Variants in SLIT2 observed in about 807,000 individuals in gnomAD.
SLIT2 encodes slit guidance ligand 2, also known as slit homolog 2 protein.
In SLIT2, 41 loss-of-function variants were observed where a neutral mutation model predicts 185.7. The ratio of observed to expected loss-of-function variants is 0.22; its 90% confidence interval spans 0.17 to 0.29. SLIT2 has a LOEUF of 0.29. Among genes scored for constraint, SLIT2 ranks in the 10% least tolerant of loss-of-function variants. The pLI, the probability that SLIT2 is intolerant of heterozygous loss-of-function variation, is 1.00. For missense variants in SLIT2, 1,571 were observed against 1,909.0 expected (o/e 0.82, Z 3.30); for synonymous variants, 693 against 680.2 (o/e 1.02, Z -0.29).
At chr4:20,259,203 A>G (rs899386095) in intron 3 of SLIT2, among the ~76,000 whole-genome samples, 22 of 151,730 alleles carry the variant, frequency 1.4e-4, no homozygotes, top group African/African-American at 4.8e-4. Flanking sequence ...AACAAAGCTT[A>G]TAAGTTCATA....
intron 22 of SLIT2, among the ~76,000 whole-genome samples, chr4:20,546,869 C>CA (rs937512653): frequency 8.2e-4 from 124 of 151,788 alleles, no homozygotes; most frequent in Non-Finnish European, 1.4e-3. Flanking sequence ...TTTCAGAACA[C>CA]AAAAAATCAG....
At chr4:20,603,965 T>G (rs1728597784) in intron 33 of SLIT2, among the ~76,000 whole-genome samples, 1 of 152,252 alleles carries the variant, frequency 6.6e-6, no homozygotes, top group African/African-American at 2.4e-5. Flanking sequence ...CTTATAACCT[T>G]GGGCAGATTG....
intron 2 of SLIT2, 151 bp from the exon 3 acceptor site, chr4:20,257,717 A>G: frequency 3.3e-6 from 2 of 614,840 alleles, no homozygotes; most frequent in East Asian, 2.9e-5. Flanking sequence ...TCACTCAGAT[A>G]TATTATTATT....
At chr4:20,616,877 G>T (rs758523941) in intron 34 of SLIT2, 33 bp from the exon 35 acceptor site, 52 of 1,552,526 alleles carry the variant, frequency 3.3e-5, no homozygotes, top group Non-Finnish European at 4.1e-5. Flanking sequence ...AATCCCCAGA[G>T]AGCCTGACCT....
intron 29 of SLIT2, among the ~76,000 whole-genome samples, chr4:20,580,559 T>C (rs1490324813): frequency 6.6e-6 from 1 of 152,132 alleles, no homozygotes; most frequent in Non-Finnish European, 1.5e-5. Flanking sequence ...TAGTCTATGA[T>C]TCTCTTGCCT....
At chr4:20,290,818 A>G (rs1278634698) in intron 4 of SLIT2, among the ~76,000 whole-genome samples, 1 of 149,884 alleles carries the variant, frequency 6.7e-6, no homozygotes. Flanking sequence ...TTGTATTAAT[A>G]TCTTATTTTT....
chr4:20,454,063 C>T (rs1712776047), intron 4 of SLIT2, among the ~76,000 whole-genome samples: 1 of 152,170 alleles, frequency 6.6e-6, no homozygotes, highest in African/African-American at 2.4e-5. Flanking sequence ...CATAACTGTG[C>T]TTCCCCTTTA....
At position 20,433,920 on chromosome 4, in the gene SLIT2, A is replaced by G. The variant is rs116556942; in HGVS notation, c.396-33832A>G. Among the ~76,000 whole-genome samples, 1,206 of 152,308 alleles carry G rather than the reference A, an allele frequency of 7.9e-3. 24 individuals carry two copies. The highest frequency in any genetic ancestry group is 0.027 in the African/African-American group (1,118 of 41,568). ...CTGACCCCCCCAAATCTTTCTATTA[A>G]TAGATGGTTTTAGAAAGATTTTTTT... On this transcript the variant is annotated intron_variant, in intron 4 of 36. Transcript: ENST00000504154.
At chr4:20,588,640 C>A (rs1231834766) in intron 29 of SLIT2, among the ~76,000 whole-genome samples, 1 of 152,038 alleles carries the variant, frequency 6.6e-6, no homozygotes, top group East Asian at 1.9e-4. Context: ...TATATGAATA[C>A]CTTTCCAGTC....
intron 4 of SLIT2, among the ~76,000 whole-genome samples, chr4:20,271,938 A>C (rs1395230856): frequency 2.6e-5 from 4 of 152,090 alleles, no homozygotes; most frequent in African/African-American, 9.7e-5. Flanking sequence ...ACTGTATATG[A>C]ATTATGATTC....
intron 4 of SLIT2, among the ~76,000 whole-genome samples, chr4:20,274,846 T>G (rs1714005671): frequency 6.6e-6 from 1 of 152,108 alleles, no homozygotes; most frequent in Non-Finnish European, 1.5e-5. Context: ...CAACTTGAAT[T>G]TGTAGAATAC....
intron 4 of SLIT2, among the ~76,000 whole-genome samples, chr4:20,417,892 C>T (rs1281906227): frequency 6.6e-6 from 1 of 152,100 alleles, no homozygotes; most frequent in African/African-American, 2.4e-5. Flanking sequence ...CTTCTTGTGG[C>T]CCTTATAATC....
chr4:20,352,299 C>CT (rs143588094), intron 4 of SLIT2, among the ~76,000 whole-genome samples: 33,136 of 150,996 alleles, frequency 0.22, 3,934 homozygotes, highest in Non-Finnish European at 0.28. Context: ...CTCTTCTCAC[C>CT]TTTTTTTTTA....
intron 4 of SLIT2, among the ~76,000 whole-genome samples, chr4:20,283,143 CAA>C (rs1714952690): frequency 6.6e-6 from 1 of 151,340 alleles, no homozygotes; most frequent in African/African-American, 2.4e-5. Context: ...CACACACACA[CAA>C]AGTCATTCAA....
At chr4:20,362,750 G>A (rs1476530438) in intron 4 of SLIT2, among the ~76,000 whole-genome samples, 2 of 151,808 alleles carry the variant, frequency 1.3e-5, no homozygotes, top group Non-Finnish European at 2.9e-5. Context: ...TTTCTTGAAG[G>A]TTATTCTGGA....
chr4:20,576,119 G>A (rs1469180390), intron 29 of SLIT2, among the ~76,000 whole-genome samples: 2 of 152,170 alleles, frequency 1.3e-5, no homozygotes, highest in Admixed American at 6.5e-5. Flanking sequence ...CTGTAAGACA[G>A]GTTTAAATTT....
chr4:20,301,583 T>C (rs988428788), intron 4 of SLIT2, among the ~76,000 whole-genome samples: 3 of 152,190 alleles, frequency 2.0e-5, no homozygotes, highest in Non-Finnish European at 4.4e-5. Context: ...TATCATGTCA[T>C]GAATTCCAAT....
At position 20,617,081 on chromosome 4, in the gene SLIT2, T is replaced by G. The variant is rs1458820763; in HGVS notation, c.4019T>G (p.Val1340Gly). The change falls in exon 35 of 37, where the codon GTG (valine) becomes GGG (glycine). Residue 1340 changes from valine (V) to glycine (G), a missense_variant. This residue lies in a region of SLIT2 where 223 missense variants were observed against 245.2 expected (regional missense o/e 0.91). Coordinates refer to ENST00000504154, the MANE Select transcript of SLIT2 (RefSeq NM_004787.4). ...GGCTGTGAGCCATGCCACAAGAAGG[T>G]GTGTGCCCATGGCACATGCCAGCCC... ...LPGCEPCHKK[V>G]CAHGTCQPSS... 1.9e-6 allele frequency: 3 copies of G among 1,613,850 alleles called. No homozygotes were observed. The highest frequency in any genetic ancestry group is 1.7e-6 in the Non-Finnish European group (2 of 1,179,862).
At chr4:20,565,344 G>T (rs1428670356) in intron 26 of SLIT2, among the ~76,000 whole-genome samples, 1 of 151,980 alleles carries the variant, frequency 6.6e-6, no homozygotes, top group Non-Finnish European at 1.5e-5. Flanking sequence ...TTTGTTCTGA[G>T]TTAGGTTCTT....
Sources: gnomAD v4.1 joint callset for allele counts (sites outside exome capture counted in the v4.1 genomes callset) on GRCh38, gnomAD v4.1.1 for gene constraint, gnomAD v4.1.1 regional missense constraint, MANE v1.5 for transcripts, NCBI Gene and HGNC (gene_info 2026-07-23, HGNC 2026-07-21) for gene names.